The following MDFIC variants were observed in gnomAD, a reference collection of about 807,000 sequenced individuals.
MDFIC encodes MyoD family inhibitor domain containing.
Under a neutral mutation model 23.2 loss-of-function variants are expected in MDFIC, and 17 were observed. The ratio of observed to expected loss-of-function variants is 0.73; its 90% CI spans 0.50 to 1.10. The LOEUF is 1.10. Among genes scored for constraint, MDFIC ranks in the 50% least tolerant of loss-of-function variants. MDFIC has a pLI of 0.00. For synonymous variants in MDFIC, 120 were observed against 115.2 expected (o/e 1.04, Z -0.27); for missense variants, 356 against 316.6 (o/e 1.12, Z -0.95).
intron 4 of MDFIC, 90 bp downstream of exon 4, chr7:114,979,871 A>T (rs1176489219): frequency 1.1e-5 from 16 of 1,437,212 alleles, no homozygotes; most frequent in African/African-American, 5.6e-5. Flanking sequence ...TAATTGAAGA[A>T]TCTTGCTTAT....
intron 3 of MDFIC, among the ~76,000 whole-genome samples, chr7:114,972,719 C>T (rs552653757): frequency 1.1e-4 from 17 of 152,268 alleles, no homozygotes; most frequent in Non-Finnish European, 2.2e-4. Context: ...ACCTTGCCCT[C>T]CTGGGCTCAA....
intron 3 of MDFIC, among the ~76,000 whole-genome samples, chr7:114,971,246 A>G (rs1793199671): frequency 6.6e-6 from 1 of 152,182 alleles, no homozygotes; most frequent in African/African-American, 2.4e-5. Context: ...CTGCTCTTTA[A>G]TATTAACTGC....
intron 2 of MDFIC, among the ~76,000 whole-genome samples, chr7:114,937,527 G>T (rs77552526): frequency 1.3e-5 from 2 of 152,290 alleles, no homozygotes; most frequent in South Asian, 2.1e-4. Flanking sequence ...AGCCAGAAAG[G>T]CTTCTTCATT....
At chr7:114,941,151 G>T (rs1792531047) in intron 2 of MDFIC, among the ~76,000 whole-genome samples, 1 of 150,664 alleles carries the variant, frequency 6.6e-6, no homozygotes, top group African/African-American at 2.4e-5. Flanking sequence ...ATACTTACAA[G>T]AAAAAAAAAG....
Position 114,952,962 on chromosome 7 carries a change from G to A in MDFIC, c.217+10565G>A, listed in dbSNP as rs560161838. 2.0e-5 allele frequency among the ~76,000 whole-genome samples: 3 copies of A among 152,294 alleles called. 1 individual carries two copies. The highest frequency in any genetic ancestry group is 7.2e-5 in the African/African-American group (3 of 41,558). On this transcript the variant is annotated intron_variant, in intron 3 of 4. Coordinates refer to ENST00000393486, the MANE Select transcript of MDFIC (RefSeq NM_001166345.3). ...CAGTGGCAACAACACCACACCCAACGAATGGTGTGATTATTAATAATTACC... is the reference window on the plus strand; with the variant it reads ...CAGTGGCAACAACACCACACCCAACAAATGGTGTGATTATTAATAATTACC...
Position 115,018,052 on chromosome 7 carries a change from C to T in MDFIC, c.*2117C>T, listed in dbSNP as rs1791826493. On this transcript the variant is annotated 3_prime_UTR_variant, in exon 5 of 5. Transcript: ENST00000393486. ...ATTGCTATTTACACATACATACACA[C>T]ATACAAAACCTTTAAATTTTGGGAT... The T allele has an allele frequency of 6.6e-6, 1 of 151,986 alleles. No individual in the cohort carries two copies. The highest frequency in any genetic ancestry group is 1.5e-5 in the Non-Finnish European group (1 of 67,852). The allele number at this position is 151,986 out of a possible 1,614,324, so 9.4% of individuals were successfully genotyped here.
chr7:115,010,090 C>G (rs752402182), intron 4 of MDFIC, among the ~76,000 whole-genome samples: 82 of 151,980 alleles, frequency 5.4e-4, no homozygotes, highest in Middle Eastern at 3.2e-3. Flanking sequence ...AAAGATGATT[C>G]CTGACTGCAA....
At chr7:114,981,850 C>T (rs554303991) in intron 4 of MDFIC, among the ~76,000 whole-genome samples, 3 of 152,146 alleles carry the variant, frequency 2.0e-5, no homozygotes, top group Admixed American at 6.5e-5. Context: ...TGTGTTTCTT[C>T]TGACTTTCAG....
At chr7:114,937,361 G>A (rs1433494546) in intron 2 of MDFIC, among the ~76,000 whole-genome samples, 1 of 152,108 alleles carries the variant, frequency 6.6e-6, no homozygotes, top group East Asian at 1.9e-4. Flanking sequence ...CTCAATTCAT[G>A]TTTGTCACTT....
In MDFIC at chr7:114,931,077, C is replaced by G. The variant is rs1320871967; in HGVS notation, c.94+7950C>G. ...TCCGTCCCCTTTTCCTCCTCCCTCT[C>G]TCTCTCTCTTTGTCTTTCCAGTAAC... On this transcript the variant is annotated intron_variant, in intron 2 of 4. Transcript: ENST00000393486. Among the ~76,000 whole-genome samples the G allele has an allele frequency of 2.0e-5, 3 of 151,922 alleles. No homozygotes were observed. In the South Asian group the frequency reaches 6.2e-4, roughly 31 times the overall value.
chr7:114,971,901 A>G (rs190753232), intron 3 of MDFIC, among the ~76,000 whole-genome samples: 319 of 152,302 alleles, frequency 2.1e-3, no homozygotes, highest in African/African-American at 7.4e-3. Flanking sequence ...TTAACTTGAA[A>G]ATGTTTATTT....
intron 4 of MDFIC, among the ~76,000 whole-genome samples, chr7:114,982,950 G>A (rs1327481974): frequency 6.6e-6 from 1 of 152,144 alleles, no homozygotes; most frequent in Non-Finnish European, 1.5e-5. Flanking sequence ...TTTTGTAATG[G>A]CCTTAATCTC....
At chr7:114,940,349 G>T (rs1244190172) in intron 2 of MDFIC, among the ~76,000 whole-genome samples, 1 of 152,116 alleles carries the variant, frequency 6.6e-6, no homozygotes, top group African/African-American at 2.4e-5. Context: ...AAATCCCCAT[G>T]GTACATGAAA....
intron 2 of MDFIC, chr7:114,923,813 G>A (rs796993040): frequency 6.2e-5 from 26 of 416,098 alleles, no homozygotes; most frequent in African/African-American, 4.7e-4. Flanking sequence ...GTTTCCATTG[G>A]TGACAGAGAG....
intron 3 of MDFIC, among the ~76,000 whole-genome samples, chr7:114,971,998 A>G (rs1793214415): frequency 6.6e-6 from 1 of 152,198 alleles, no homozygotes; most frequent in African/African-American, 2.4e-5. Flanking sequence ...TTCAGGAATA[A>G]ATGGGGAAAA....
intron 2 of MDFIC, among the ~76,000 whole-genome samples, chr7:114,930,479 A>G (rs1792288014): frequency 6.6e-6 from 1 of 152,218 alleles, no homozygotes; most frequent in Admixed American, 6.5e-5. Context: ...TTGTTTGGTC[A>G]GTTCACATAT....
rs749014624 is a variant in MDFIC, at chr7:114,999,652, T to A, written c.494-16036T>A. Reference sequence around the variant, plus strand: ...ACCTCATAGTTTAAAGTTGACATATTTCTTAAAAACTCTTGTAAGGGGAAT... The same window carrying A: ...ACCTCATAGTTTAAAGTTGACATATATCTTAAAAACTCTTGTAAGGGGAAT... On this transcript the variant is annotated intron_variant, in intron 4 of 4. Coordinates refer to ENST00000393486, the MANE Select transcript of MDFIC (RefSeq NM_001166345.3). Among the ~76,000 whole-genome samples, 154 of 152,026 alleles carry A rather than the reference T, an allele frequency of 1.0e-3. 1 individual carries two copies. Among genetic ancestry groups the A allele is most frequent in the Admixed American group, 4.9e-3 (74 of 15,242 alleles).
intron 2 of MDFIC, among the ~76,000 whole-genome samples, chr7:114,934,840 T>C (rs1792393073): frequency 6.6e-6 from 1 of 152,208 alleles, no homozygotes; most frequent in Non-Finnish European, 1.5e-5. Flanking sequence ...TTTTGGACAA[T>C]GCATTTTTAA....
At chr7:114,985,490 G>A (rs902576660) in intron 4 of MDFIC, among the ~76,000 whole-genome samples, 23 of 151,912 alleles carry the variant, frequency 1.5e-4, no homozygotes, top group Non-Finnish European at 1.5e-5. Context: ...CTCTGTGTGT[G>A]TGTGCTCTTC....
Sources: allele counts gnomAD v4.1 joint callset (sites outside exome capture counted in the v4.1 genomes callset), GRCh38; gene constraint gnomAD v4.1.1; transcripts MANE v1.5; gene names NCBI Gene and HGNC (gene_info 2026-07-23, HGNC 2026-07-21).